The following STK17A variants were observed in gnomAD, a reference collection of about 807,000 sequenced individuals.
STK17A encodes serine/threonine kinase 17a.
Under a neutral mutation model 43.7 loss-of-function variants are expected in STK17A, and 26 were observed. The ratio of observed to expected loss-of-function variants is 0.60; its 90% CI spans 0.44 to 0.83. The LOEUF is 0.83. Among genes scored for constraint, STK17A ranks in the 40% least tolerant of loss-of-function variants. The pLI is 0.00. For missense variants in STK17A, 476 were observed against 511.6 expected (o/e 0.93, Z 0.67); for synonymous variants, 191 against 182.5 (o/e 1.05, Z -0.38).
chr7:43,594,719 T>G (rs2082502680), intron 1 of STK17A, among the ~76,000 whole-genome samples: 1 of 152,030 alleles, frequency 6.6e-6, no homozygotes, highest in Non-Finnish European at 1.5e-5. Flanking sequence ...TCTTTAATTC[T>G]TAGAACCCTG....
chr7:43,623,679 A>C (rs775474905), intron 5 of STK17A, 30 bp from the exon 6 acceptor site: 1 of 1,602,342 alleles, frequency 6.2e-7, no homozygotes, highest in Non-Finnish European at 8.5e-7. Flanking sequence ...TATGGTACTA[A>C]ATTTTTCTTG....
rs752627870 is a variant in STK17A at position 43,623,556 on chromosome 7, CTCTT to C, written c.692-12_692-9del. ...TTTCCACAAAACTAAATGTTTTCTT[CTCTT>C]TCTGATACTAGCTCCTGAAATTCTT... On this transcript the variant is annotated splice_polypyrimidine_tract_variant and intron_variant, in intron 4 of 6. Transcript: ENST00000319357. 2.7e-5 allele frequency: 44 copies of C among 1,603,648 alleles called. No individual in the cohort carries two copies. Among genetic ancestry groups the C allele is most frequent in the East Asian group, 6.7e-5 (3 of 44,644 alleles).
intron 3 of STK17A, among the ~76,000 whole-genome samples, chr7:43,612,008 C>T (rs558026271): frequency 1.3e-5 from 2 of 152,322 alleles, no homozygotes; most frequent in African/African-American, 4.8e-5. Flanking sequence ...TTCTTGAATA[C>T]CAACTTTAAG....
intron 6 of STK17A, among the ~76,000 whole-genome samples, 161 bp downstream of exon 6, chr7:43,624,049 G>A (rs2084218447): frequency 6.6e-6 from 1 of 152,114 alleles, no homozygotes; most frequent in Non-Finnish European, 1.5e-5. Context: ...AAATCTAGGT[G>A]AAACCCTTGG....
At chr7:43,594,882 AAAAAAAAAGAAAG>A (rs994125636) in intron 1 of STK17A, among the ~76,000 whole-genome samples, 4 of 149,342 alleles carry the variant, frequency 2.7e-5, no homozygotes, top group African/African-American at 9.7e-5. Flanking sequence ...TCTTAAAAAA[AAAAAAAAAGAAAG>A]AAAGAAAAGA....
At chr7:43,595,431 A>G (rs1274034194) in intron 1 of STK17A, among the ~76,000 whole-genome samples, 3 of 151,950 alleles carry the variant, frequency 2.0e-5, no homozygotes, top group Non-Finnish European at 4.4e-5. Flanking sequence ...GCATAGCACT[A>G]CTACACCTGG....
chr7:43,583,717 C>A (rs1314563716), intron 1 of STK17A, among the ~76,000 whole-genome samples: 1 of 152,218 alleles, frequency 6.6e-6, no homozygotes, highest in Non-Finnish European at 1.5e-5. Flanking sequence ...TCAGCCCTTT[C>A]GTTCTCTGTG....
At chr7:43,621,954 C>T (rs1199507682) in intron 4 of STK17A, among the ~76,000 whole-genome samples, 1 of 152,122 alleles carries the variant, frequency 6.6e-6, no homozygotes. Context: ...CTGTACTTGC[C>T]ATCTATGTGA....
intron 1 of STK17A, among the ~76,000 whole-genome samples, chr7:43,584,384 T>A (rs576137160): frequency 6.6e-6 from 1 of 152,308 alleles, no homozygotes; most frequent in South Asian, 2.1e-4. Flanking sequence ...TCCTCATCCG[T>A]AAAATCGTAT....
At chr7:43,616,559 G>C (rs2083363181) in intron 3 of STK17A, among the ~76,000 whole-genome samples, 1 of 152,242 alleles carries the variant, frequency 6.6e-6, no homozygotes, top group East Asian at 1.9e-4. Context: ...TAATAGAAAA[G>C]GGTAGGAAGG....
chr7:43,596,879 A>C (rs1054151913), intron 2 of STK17A, among the ~76,000 whole-genome samples: 3 of 151,992 alleles, frequency 2.0e-5, no homozygotes, highest in African/African-American at 4.8e-5. Flanking sequence ...AAAAAAAAAA[A>C]AAAAAAACCT....
In STK17A at chr7:43,619,654, T is replaced by G. The variant is rs1163289455; in HGVS notation, c.622T>G (p.Phe208Val). 1 of 1,614,138 alleles carries G rather than the reference T, an allele frequency of 6.2e-7. No homozygotes were observed. Residue 208 changes from phenylalanine to valine, a missense_variant, in exon 4 of 7, where the codon TTT becomes GTT. Phe to Val is a conservative substitution (Grantham distance 50). This residue lies in a region of STK17A where 320 missense variants were observed against 326.3 expected (regional missense o/e 0.98). Transcript: ENST00000319357. ...SPLGDIKIVD[F>V]GLSRILKNSE... ...ATTGGGTGACATTAAGATTGTTGATTTTGGCCTTTCAAGAATATTGAAGAA... is the reference window on the plus strand; with the variant it reads ...ATTGGGTGACATTAAGATTGTTGATGTTGGCCTTTCAAGAATATTGAAGAA...
intron 3 of STK17A, 86 bp from the exon 4 acceptor site, chr7:43,619,511 A>C (rs1307746535): frequency 6.7e-7 from 1 of 1,484,768 alleles, no homozygotes; most frequent in Admixed American, 2.1e-5. Flanking sequence ...TCTCAGTTTC[A>C]TAGGTGAAAT....
intron 3 of STK17A, among the ~76,000 whole-genome samples, chr7:43,611,654 C>T (rs189686635): frequency 8.2e-4 from 125 of 152,288 alleles, no homozygotes; most frequent in South Asian, 1.5e-3. Flanking sequence ...CTCCGCAGTA[C>T]GGACTTTCAC....
intron 2 of STK17A, among the ~76,000 whole-genome samples, chr7:43,601,493 A>G (rs1016346471): frequency 3.3e-5 from 5 of 152,304 alleles, no homozygotes; most frequent in African/African-American, 1.2e-4. Flanking sequence ...AGAATTGGAA[A>G]TTGATCCAGA....
chr7:43,602,061 G>A, intron 2 of STK17A, among the ~76,000 whole-genome samples: 1 of 152,096 alleles, frequency 6.6e-6, no homozygotes, highest in Non-Finnish European at 1.5e-5. Flanking sequence ...ATCTGTCTTT[G>A]TTGCTCTCAT....
intron 1 of STK17A, among the ~76,000 whole-genome samples, chr7:43,594,630 T>C (rs1583549448): frequency 2.0e-5 from 3 of 152,110 alleles, no homozygotes; most frequent in African/African-American, 7.2e-5. Flanking sequence ...CACAGCTTAA[T>C]GATGTTTGTG....
At chr7:43,607,703 T>C (rs1419638436) in intron 2 of STK17A, among the ~76,000 whole-genome samples, 4 of 145,116 alleles carry the variant, frequency 2.8e-5, no homozygotes, top group Non-Finnish European at 6.1e-5. Flanking sequence ...GTAAAGAGAC[T>C]AATTGCTCTT....
intron 2 of STK17A, among the ~76,000 whole-genome samples, chr7:43,602,456 C>G (rs933714899): frequency 1.3e-5 from 2 of 152,190 alleles, no homozygotes. Context: ...AATCTAATGC[C>G]ATCTGCTCTT....
Sources: gnomAD v4.1 joint callset for allele counts (sites outside exome capture counted in the v4.1 genomes callset) on GRCh38, gnomAD v4.1.1 for gene constraint, gnomAD v4.1.1 regional missense constraint, MANE v1.5 for transcripts, NCBI Gene and HGNC (gene_info 2026-07-23, HGNC 2026-07-21) for gene names.